The following MTRR variants were observed in gnomAD, a reference collection of about 807,000 sequenced individuals.
MTRR encodes 5-methyltetrahydrofolate-homocysteine methyltransferase reductase.
MTRR carries 63 observed loss-of-function variants against 79.2 expected under a neutral mutation model. That is an observed-to-expected ratio of 0.80 (90% CI 0.65 to 0.98). MTRR has a LOEUF of 0.98. Ranked by LOEUF, MTRR falls within the 50% of genes least tolerant of loss-of-function variation. MTRR has a pLI of 0.00. For synonymous variants in MTRR, 355 were observed against 313.3 expected (o/e 1.13, Z -1.41); for missense variants, 895 against 839.6 (o/e 1.07, Z -0.82).
intron 1 of MTRR, among the ~76,000 whole-genome samples, chr5:7,858,242 G>C (rs1046541042): frequency 6.6e-6 from 1 of 152,152 alleles, no homozygotes; most frequent in Non-Finnish European, 1.5e-5. Context: ...GGGTTTCTGA[G>C]GCCTGATATG....
chr5:7,873,646 A>T (rs1474909613), intron 3 of MTRR, 120 bp downstream of exon 3: 2 of 1,090,666 alleles, frequency 1.8e-6, no homozygotes, highest in African/African-American at 1.6e-5. Flanking sequence ...TGTAAATATT[A>T]TGTATATGTA....
At chr5:7,887,994 C>A (rs1736911110) in intron 8 of MTRR, among the ~76,000 whole-genome samples, 2 of 151,390 alleles carry the variant, frequency 1.3e-5, no homozygotes, top group Non-Finnish European at 2.9e-5. Flanking sequence ...CCATAACTTG[C>A]CTTTTTAACT....
Position 7,892,728 on chromosome 5 carries a change from T to C in MTRR, c.1372T>C (p.Ser458Pro). Residue 458 changes from serine (S) to proline (P), a missense_variant and splice_region_variant, in exon 11 of 15, where the codon TCA becomes CCA. Physicochemically the swap from Ser to Pro is moderately conservative, Grantham distance 74. Coordinates refer to ENST00000440940, the MANE Select transcript of MTRR (RefSeq NM_002454.3). ...AAACTTGTCTGTGTATCTTTGCAGC[T>C]CAAGTTTATTTCACCCAGGAAAGCT... ...LQPRPYSCAS[S>P]SLFHPGKLHF... 3.1e-6 allele frequency: 5 copies of C among 1,614,208 alleles called. No homozygotes were observed. The highest frequency in any genetic ancestry group is 4.2e-6 in the Non-Finnish European group (5 of 1,180,022).
chr5:7,885,590 A>T, intron 6 of MTRR, 111 bp from the exon 7 acceptor site: 3 of 979,014 alleles, frequency 3.1e-6, no homozygotes, highest in Non-Finnish European at 4.5e-6. Flanking sequence ...CTATTTTCTG[A>T]GTTCACATAT....
intron 11 of MTRR, among the ~76,000 whole-genome samples, chr5:7,894,099 T>C (rs1296404940): frequency 2.0e-5 from 3 of 152,180 alleles, no homozygotes; most frequent in Non-Finnish European, 4.4e-5. Context: ...TACTCCTCCT[T>C]TCCTCCCTCC....
chr5:7,853,107 C>T (rs1416132128), intron 1 of MTRR, among the ~76,000 whole-genome samples: 4 of 152,128 alleles, frequency 2.6e-5, no homozygotes, highest in African/African-American at 9.7e-5. Flanking sequence ...TGTGTCCCCA[C>T]CTTAATCTCA....
rs1045121482 is a variant in MTRR, at chr5:7,870,878, A to G, written c.84A>G (p.Val28=). The G allele has an allele frequency of 6.8e-6, 11 of 1,614,114 alleles. No homozygotes were observed. The highest frequency in any genetic ancestry group is 1.3e-5 in the African/African-American group (1 of 74,954). The change falls in exon 2 of 15, where the codon GTA becomes GTG. Residue 28 remains valine, a synonymous_variant. Coordinates refer to ENST00000440940, the MANE Select transcript of MTRR (RefSeq NM_002454.3). The part of the protein sequence containing the change: ...IAEEICEQAV[V]HGFSADLHCI... ...AAGAAATATGTGAGCAAGCTGTGGTACATGGATTTTCTGCAGATCTTCACT... is the reference window on the plus strand; with the variant it reads ...AAGAAATATGTGAGCAAGCTGTGGTGCATGGATTTTCTGCAGATCTTCACT...
At chr5:7,867,333 A>C, upstream of MTRR, 1 of 1,614,036 alleles carries the variant, frequency 6.2e-7, no homozygotes, top group Non-Finnish European at 8.5e-7. Context: ...TCCGGGGTAA[A>C]TGTTTCCAAT....
intron 14 of MTRR, among the ~76,000 whole-genome samples, 163 bp downstream of exon 14, chr5:7,897,410 T>A (rs1738724753): frequency 6.6e-6 from 1 of 152,208 alleles, no homozygotes; most frequent in Admixed American, 6.5e-5. Context: ...TTTGACATAT[T>A]TAATAGCCCA....
intron 14 of MTRR, among the ~76,000 whole-genome samples, chr5:7,899,210 TG>T (rs1200601983): frequency 6.6e-6 from 1 of 151,954 alleles, no homozygotes; most frequent in Non-Finnish European, 1.5e-5. Context: ...CTTCTAACAC[TG>T]GGAACCACAT....
rs571652576 is a variant in MTRR, at chr5:7,863,183, C to A, written n.498+1126C>A. ...AAACTTCTCTTCTTACAGTGCAAGT[C>A]TAATAGTTCAAAATGTCTTTTATAT... is the stretch of plus-strand genomic sequence containing the variant. On this transcript the variant is annotated intron_variant and non_coding_transcript_variant, in intron 2 of 3. Coordinates refer to the MTRR transcript ENST00000502509. The A allele has an allele frequency of 3.4e-3, 1,982 of 591,184 alleles. 61 individuals carry two copies. The South Asian group carries it at 0.04, about 12-fold the overall frequency. The allele number at this position is 591,184 out of a possible 1,614,324, so 36.6% of individuals were successfully genotyped here. A position where few individuals can be genotyped will look rare whatever the true frequency, so the allele number is the denominator to read the frequency against.
intron 1 of MTRR, chr5:7,856,774 A>G (rs377462713): frequency 1.4e-5 from 2 of 141,404 alleles, no homozygotes; most frequent in Admixed American, 7.0e-5. Context: ...AATTTTATTT[A>G]TTTTTTTTTT....
intron 14 of MTRR, among the ~76,000 whole-genome samples, chr5:7,897,853 G>C (rs922994003): frequency 6.6e-6 from 1 of 151,806 alleles, no homozygotes; most frequent in Non-Finnish European, 1.5e-5. Context: ...GAGTTTTGAA[G>C]TAAGAAATTC....
chr5:7,851,924 T>C (rs1207951673), intron 1 of MTRR, among the ~76,000 whole-genome samples: 1 of 152,260 alleles, frequency 6.6e-6, no homozygotes, highest in East Asian at 1.9e-4. Context: ...GGAAATGCTT[T>C]AGCCAGCGTG....
chr5:7,872,123 C>T (rs1748092053), intron 2 of MTRR: 1 of 326,416 alleles, frequency 3.1e-6, no homozygotes, highest in Non-Finnish European at 6.0e-6. Flanking sequence ...AAGGTACTGA[C>T]ATTACTTATA....
In MTRR at chr5:7,869,166, G is replaced by A. The variant is rs1272132072; in HGVS notation, c.-75G>A. The A allele has an allele frequency of 6.2e-7, 1 of 1,612,480 alleles. No homozygotes were observed. The highest frequency in any genetic ancestry group is 8.5e-7 in the Non-Finnish European group (1 of 1,179,846). ...CTGCGTCAGTGCGCGCTGGCGCAAG[G>A]TTGGTGGAAGTCGCGTTGTGCAGGT... On this transcript the variant is annotated 5_prime_UTR_variant, in exon 1 of 15. Transcript: ENST00000440940.
At position 7,875,053 on chromosome 5, in the gene MTRR, A is replaced by G. The variant is rs887632771; in HGVS notation, c.284-205A>G. 1.6e-5 allele frequency: 9 copies of G among 571,484 alleles called. No homozygotes were observed. In the African/African-American group the frequency reaches 1.7e-4, roughly 11 times the overall value. The allele number at this position is 571,484 out of a possible 1,614,324, so 35.4% of individuals were successfully genotyped here. A position where few individuals can be genotyped will look rare whatever the true frequency, so the allele number is the denominator to read the frequency against. ...CGGCCAATAAGTATTTTGTTTCATTATATCTGCTACTTTTATATTGTAAAA... is the reference window on the plus strand; with the variant it reads ...CGGCCAATAAGTATTTTGTTTCATTGTATCTGCTACTTTTATATTGTAAAA... On this transcript the variant is annotated intron_variant, in intron 3 of 14. Transcript: ENST00000440940.
At chr5:7,865,072 T>C (rs1239430115), upstream of MTRR, among the ~76,000 whole-genome samples, 1 of 152,152 alleles carries the variant, frequency 6.6e-6, no homozygotes. Context: ...GGCCATGATA[T>C]ACTGCGCATA....
chr5:7,883,144 T>A lies in MTRR; in HGVS notation c.781-11T>A. 1 of 1,614,218 alleles carries A rather than the reference T, an allele frequency of 6.2e-7. No homozygotes were observed. The highest frequency in any genetic ancestry group is 8.5e-7 in the Non-Finnish European group (1 of 1,180,034). ...AATTGCACTTACGTTTTGTCACATTTGTTTTTCAAGGAGGAAAGCCAAGTA... is the reference window on the plus strand; with the variant it reads ...AATTGCACTTACGTTTTGTCACATTAGTTTTTCAAGGAGGAAAGCCAAGTA... On this transcript the variant is annotated splice_polypyrimidine_tract_variant and intron_variant, in intron 5 of 14. Transcript: ENST00000440940.
Sources: gnomAD v4.1 joint callset for allele counts (sites outside exome capture counted in the v4.1 genomes callset) on GRCh38, gnomAD v4.1.1 for gene constraint, MANE v1.5 for transcripts, NCBI Gene and HGNC (gene_info 2026-07-23, HGNC 2026-07-21) for gene names.